The following ALG8 variants were observed in gnomAD, a reference collection of about 807,000 sequenced individuals.
ALG8 encodes the protein dolichyl pyrophosphate Glc1Man9GlcNAc2 alpha-1,3-glucosyltransferase.
Under a neutral mutation model 70.2 loss-of-function variants are expected in ALG8, and 48 were observed. The ratio of observed to expected loss-of-function variants is 0.68; its 90% confidence interval spans 0.54 to 0.87. The LOEUF (loss-of-function observed/expected upper bound fraction) is 0.87, where lower values mean the gene tolerates loss of function less well. ALG8 is among the 40% of genes least tolerant of loss of function. The pLI, the probability that ALG8 is intolerant of heterozygous loss-of-function variation, is 0.00. For missense variants in ALG8, 572 were observed against 608.7 expected (o/e 0.94, Z 0.64); for synonymous variants, 234 against 229.0 (o/e 1.02, Z -0.20).
At chr11:78,118,543 G>A (rs1860678682) in intron 5 of ALG8, among the ~76,000 whole-genome samples, 1 of 150,040 alleles carries the variant, frequency 6.7e-6, no homozygotes, top group African/African-American at 2.5e-5. Flanking sequence ...TTGAACCTGG[G>A]AGGCAGAGGT....
intron 7 of ALG8, among the ~76,000 whole-genome samples, chr11:78,113,438 A>T (rs1398736550): frequency 1.3e-5 from 2 of 152,034 alleles, no homozygotes; most frequent in Non-Finnish European, 2.9e-5. Context: ...TCGGGCCAAG[A>T]GCGGTGGCTC....
chr11:78,120,261 C>CG (rs1298815677), intron 4 of ALG8, among the ~76,000 whole-genome samples: 2 of 152,046 alleles, frequency 1.3e-5, no homozygotes, highest in African/African-American at 4.8e-5. Context: ...TTAAAGGCCC[C>CG]GCAGCTCAGG....
At chr11:78,120,114 AG>A (rs1402408552) in intron 4 of ALG8, among the ~76,000 whole-genome samples, 1 of 152,232 alleles carries the variant, frequency 6.6e-6, no homozygotes, top group African/African-American at 2.4e-5. Context: ...TAAAAAAAAA[AG>A]AAAAGGAAAG....
chr11:78,112,091 G>A (rs945877067), intron 8 of ALG8, among the ~76,000 whole-genome samples: 4 of 152,128 alleles, frequency 2.6e-5, no homozygotes, highest in African/African-American at 9.7e-5. Flanking sequence ...GGGCAACATA[G>A]TGAGACCCTC....
In ALG8 at chr11:78,121,097, A is replaced by C. The variant is rs756243372; in HGVS notation, c.446T>G (p.Leu149Arg). The change falls in exon 4 of 13, where the codon CTT (leucine) becomes CGT (arginine). Residue 149 changes from leucine (L) to arginine (R), a missense_variant. By Grantham distance (102) the Leu-to-Arg change is moderately radical (BLOSUM62 -2). Transcript: ENST00000299626. ...EKPKFILSVL[L>R]LWNFGLLIVD... The stretch of plus-strand genomic sequence containing the variant: ...AATTAATAACCCGAAGTTCCACAGA[A>C]GTAATACCGACAGAATAAATTTTGG... The C allele has an allele frequency of 3.1e-6, 5 of 1,613,976 alleles. No homozygotes were observed. The highest frequency in any genetic ancestry group is 1.1e-5 in the South Asian group (1 of 91,080).
chr11:78,104,337 C>T lies in ALG8; in HGVS notation c.1276+19G>A. 1 of 1,549,466 alleles carries T rather than the reference C, an allele frequency of 6.5e-7. No individual in the cohort carries two copies. On this transcript the variant is annotated intron_variant, in intron 11 of 12. Transcript: ENST00000299626. ...GGTTGTGATAGTCAAATATATTTTT[C>T]TCAGAAGACGCTGTTTACCTGGTGC...
chr11:78,120,170 AT>A (rs1284251787), intron 4 of ALG8, among the ~76,000 whole-genome samples: 2 of 152,142 alleles, frequency 1.3e-5, no homozygotes, highest in African/African-American at 4.8e-5. Flanking sequence ...TTTAAAATAT[AT>A]AAATTTTTTT....
intron 3 of ALG8, among the ~76,000 whole-genome samples, chr11:78,123,073 C>G (rs1366387145): frequency 6.6e-6 from 1 of 151,840 alleles, no homozygotes; most frequent in African/African-American, 2.4e-5. Flanking sequence ...TTTGGGAGGC[C>G]GAGGCGGGTG....
chr11:78,131,279 T>C (rs988807650), intron 1 of ALG8, among the ~76,000 whole-genome samples: 1 of 138,464 alleles, frequency 7.2e-6, no homozygotes, highest in Non-Finnish European at 1.5e-5. Context: ...TAATGATAAA[T>C]AGTAACTACT....
At chr11:78,138,105 G>A (rs367732388) in intron 1 of ALG8, among the ~76,000 whole-genome samples, 4 of 152,248 alleles carry the variant, frequency 2.6e-5, no homozygotes, top group South Asian at 2.1e-4. Context: ...CAACATTATG[G>A]GAGGCCGAGG....
chr11:78,110,883 C>A (rs572357153), intron 8 of ALG8, among the ~76,000 whole-genome samples: 1 of 152,344 alleles, frequency 6.6e-6, no homozygotes, highest in African/African-American at 2.4e-5. Context: ...AACTCTGACA[C>A]TGACTTTCCA....
At chr11:78,138,613 T>A in intron 1 of ALG8, 2 of 417,410 alleles carry the variant, frequency 4.8e-6, no homozygotes, top group Non-Finnish European at 9.6e-6. Context: ...AACTAGGAAG[T>A]GGGAGGGAAA....
intron 3 of ALG8, among the ~76,000 whole-genome samples, chr11:78,123,640 T>G (rs1374950489): frequency 6.6e-6 from 1 of 152,122 alleles, no homozygotes; most frequent in Non-Finnish European, 1.5e-5. Flanking sequence ...CTACTGTGCA[T>G]GTACTGTGTG....
At chr11:78,139,290 A>T (rs1055297046) in intron 1 of ALG8, 1 of 609,024 alleles carries the variant, frequency 1.6e-6, no homozygotes, top group Non-Finnish European at 2.9e-6. Context: ...TTTGTTCCAA[A>T]TCAGACAGCG....
rs59172901 is a variant in ALG8, at chr11:78,113,721, AC to A, written c.777+164del. On this transcript the variant is annotated intron_variant, in intron 7 of 12. Coordinates refer to ENST00000299626, the MANE Select transcript of ALG8 (RefSeq NM_024079.5). Reference sequence around the variant, plus strand: ...CAGTGAGACTCCATCTTAAACAAAAACAAAAAAAAAAAAGGAATACTGCCCT... The same window carrying A: ...CAGTGAGACTCCATCTTAAACAAAAAAAAAAAAAAAAAGGAATACTGCCCT... Among the ~76,000 whole-genome samples, 56 of 21,400 alleles carry A rather than the reference AC, an allele frequency of 2.6e-3. 3 individuals are homozygous for A. The highest frequency in any genetic ancestry group is 2.4e-3 in the South Asian group (2 of 826). 14.0% of individuals were successfully genotyped at this position (21,400 alleles called of 152,430 possible). A position where few individuals can be genotyped will look rare whatever the true frequency, so the allele number is the denominator to read the frequency against.
chr11:78,138,580 G>T, intron 1 of ALG8: 1 of 384,588 alleles, frequency 2.6e-6, no homozygotes, highest in Non-Finnish European at 5.1e-6. Context: ...CTGAATCAAA[G>T]GATACCAATA....
At chr11:78,107,418 AC>A (rs112286361) in intron 9 of ALG8, among the ~76,000 whole-genome samples, 19,755 of 147,286 alleles carry the variant, frequency 0.13, 1,497 homozygotes, top group East Asian at 0.29. Context: ...ACGGGGTTTC[AC>A]CATGTTGGCC....
chr11:78,134,447 C>T (rs990233262), intron 1 of ALG8, among the ~76,000 whole-genome samples: 4 of 152,124 alleles, frequency 2.6e-5, no homozygotes, highest in Non-Finnish European at 4.4e-5. Context: ...AAGACTGTGG[C>T]AATTGCTTAA....
At chr11:78,113,226 C>G (rs1860385799) in intron 7 of ALG8, among the ~76,000 whole-genome samples, 1 of 152,190 alleles carries the variant, frequency 6.6e-6, no homozygotes, top group Non-Finnish European at 1.5e-5. Flanking sequence ...TTTAGAATGT[C>G]TGCTGTCCAT....
Sources: allele counts gnomAD v4.1 joint callset (sites outside exome capture counted in the v4.1 genomes callset), GRCh38; gene constraint gnomAD v4.1.1; transcripts MANE v1.5; gene names NCBI Gene and HGNC (gene_info 2026-07-23, HGNC 2026-07-21).